SCML2: variants seen among roughly 807,000 people sequenced by gnomAD.
SCML2 encodes Scm polycomb group protein like 2, also known as sex comb on midleg-like protein 2.
A neutral mutation model predicts 48.4 loss-of-function variants in SCML2; 6 were observed. The ratio of observed to expected loss-of-function variants is 0.12; its 90% CI spans 0.07 to 0.24. SCML2 has a LOEUF of 0.24. SCML2 is among the 10% of genes least tolerant of loss of function. The pLI, the probability that SCML2 is intolerant of heterozygous loss-of-function variation, is 1.00. For synonymous variants in SCML2, 181 were observed against 189.5 expected, an observed-to-expected ratio of 0.95 and a Z score of 0.37; for missense variants, 377 against 528.2, an observed-to-expected ratio of 0.71 and a Z score of 2.81.
chrX:18,279,268 T>A (rs1362145636), intron 7 of SCML2, among the ~76,000 whole-genome samples: 2 of 112,615 alleles, frequency 1.8e-5, no homozygotes, highest in African/African-American at 6.5e-5. Context: ...AACGAAAAAT[T>A]ATTGGGCTAA....
At chrX:18,332,832 A>AG (rs1257593678) in intron 2 of SCML2, among the ~76,000 whole-genome samples, 1 of 109,947 alleles carries the variant, frequency 9.1e-6, no homozygotes, top group Non-Finnish European at 1.9e-5. Context: ...TTAAAAAATT[A>AG]GCCAGGTGTG....
chrX:18,335,854 T>C (rs1353456225), intron 1 of SCML2, among the ~76,000 whole-genome samples: 2 of 112,287 alleles, frequency 1.8e-5, no homozygotes, highest in South Asian at 3.7e-4. Context: ...AAAATCCTCA[T>C]AGGGTCTTCA....
intron 1 of SCML2, among the ~76,000 whole-genome samples, chrX:18,342,861 C>T (rs961326132): frequency 8.9e-6 from 1 of 111,911 alleles, no homozygotes; most frequent in African/African-American, 3.2e-5. Flanking sequence ...AAAAGATCAA[C>T]AAATGCTTTG....
intron 7 of SCML2, among the ~76,000 whole-genome samples, chrX:18,276,202 G>A (rs184968657): frequency 9.1e-6 from 1 of 109,791 alleles, no homozygotes; most frequent in East Asian, 2.9e-4. Context: ...CATGAGGCAC[G>A]ACAATTGGTT....
intron 6 of SCML2, among the ~76,000 whole-genome samples, chrX:18,318,412 C>G (rs914164405): frequency 1.8e-5 from 2 of 112,971 alleles, no homozygotes; most frequent in Admixed American, 1.9e-4. Context: ...GATTGAAAAA[C>G]AATCAGGAGA....
intron 6 of SCML2, among the ~76,000 whole-genome samples, chrX:18,305,897 T>C (rs138584479): frequency 0.018 from 2,004 of 111,109 alleles, 51 homozygotes; most frequent in African/African-American, 0.063. Context: ...TTAAAGCACG[T>C]AAATGTTAAC....
intron 7 of SCML2, among the ~76,000 whole-genome samples, chrX:18,283,723 T>C (rs1045146150): frequency 3.6e-5 from 4 of 111,616 alleles, no homozygotes; most frequent in Non-Finnish European, 5.6e-5. Flanking sequence ...TAGATACAGG[T>C]AACCAAGAAG....
chrX:18,330,189 CA>C (rs949937731), intron 3 of SCML2, among the ~76,000 whole-genome samples: 1 of 111,579 alleles, frequency 9.0e-6, no homozygotes, highest in African/African-American at 3.3e-5. Flanking sequence ...GGACTCACCA[CA>C]ATGCCTATAA....
intron 7 of SCML2, among the ~76,000 whole-genome samples, chrX:18,297,882 G>A (rs188221544): frequency 1.8e-5 from 2 of 111,028 alleles, no homozygotes; most frequent in East Asian, 5.7e-4. Context: ...GGTGACACAT[G>A]CCTGTAGTCC....
intron 7 of SCML2, among the ~76,000 whole-genome samples, chrX:18,268,771 A>T (rs1407607756): frequency 4.9e-5 from 5 of 102,834 alleles, no homozygotes; most frequent in African/African-American, 1.4e-4. Context: ...GTATAATAAT[A>T]AAAAAAAAAA....
chrX:18,292,129 AT>A (rs1928251911), intron 7 of SCML2, among the ~76,000 whole-genome samples: 1 of 112,086 alleles, frequency 8.9e-6, no homozygotes, highest in South Asian at 3.7e-4. Flanking sequence ...AAGAAATGAA[AT>A]TTTGGAAAAC....
chrX:18,301,356 C>T (rs1022970908), intron 7 of SCML2, among the ~76,000 whole-genome samples: 1 of 110,569 alleles, frequency 9.0e-6, no homozygotes, highest in East Asian at 2.8e-4. Context: ...CAAGATCACA[C>T]CACTGCTCTC....
chrX:18,241,439 T>G (rs1926261286), intron 14 of SCML2, 60 bp from the exon 15 acceptor site: 1 of 876,088 alleles, frequency 1.1e-6, no homozygotes, highest in East Asian at 3.5e-5. Flanking sequence ...TATTTATACA[T>G]AAGAACATGT....
intron 7 of SCML2, among the ~76,000 whole-genome samples, chrX:18,285,918 A>C (rs1602106229): frequency 8.9e-6 from 1 of 111,856 alleles, no homozygotes; most frequent in East Asian, 2.8e-4. Context: ...ACAGAATAAG[A>C]ATACCTAATT....
intron 7 of SCML2, among the ~76,000 whole-genome samples, chrX:18,289,962 C>T (rs943815160): frequency 1.8e-5 from 2 of 109,614 alleles, no homozygotes; most frequent in African/African-American, 6.6e-5. Flanking sequence ...AGAAGGAAAA[C>T]ATTAGAGTTT....
chrX:18,306,540 TAA>T (rs1181552263), intron 6 of SCML2, among the ~76,000 whole-genome samples: 7 of 112,034 alleles, frequency 6.2e-5, no homozygotes, highest in African/African-American at 1.6e-4. Flanking sequence ...TCTATGAGAC[TAA>T]GAGATTATTA....
Position 18,260,311 on chromosome X carries a change from A to G in SCML2, c.949-20T>C, listed in dbSNP as rs769967992. On this transcript the variant is annotated intron_variant, in intron 8 of 14. Coordinates refer to ENST00000251900, the MANE Select transcript of SCML2 (RefSeq NM_006089.3). Reference sequence around the variant, plus strand: ...TTTTTCCTGTTAAAAACAAAGGGAAAAAAACACAAGTATACAATACTCATT... The same window carrying G: ...TTTTTCCTGTTAAAAACAAAGGGAAGAAAACACAAGTATACAATACTCATT... The G allele has an allele frequency of 8.7e-7, 1 of 1,151,596 alleles. No homozygotes were observed. Among genetic ancestry groups the G allele is most frequent in the Admixed American group, 2.4e-5 (1 of 41,786 alleles). 94.9% of individuals were successfully genotyped at this position (1,151,596 alleles called of 1,213,427 possible). A position where few individuals can be genotyped will look rare whatever the true frequency, so the allele number is the denominator to read the frequency against.
At chrX:18,328,355 T>G (rs1929549621) in intron 3 of SCML2, among the ~76,000 whole-genome samples, 1 of 111,414 alleles carries the variant, frequency 9.0e-6, no homozygotes, top group Non-Finnish European at 1.9e-5. Flanking sequence ...TCTGTTAATT[T>G]CTATCTTGCC....
At chrX:18,322,080 T>C (rs890351088) in intron 5 of SCML2, among the ~76,000 whole-genome samples, 6 of 112,003 alleles carry the variant, frequency 5.4e-5, no homozygotes, top group Non-Finnish European at 7.5e-5. Flanking sequence ...GTTAAAACTT[T>C]ATAAAATCTT....
Sources: gnomAD v4.1 joint callset for allele counts (sites outside exome capture counted in the v4.1 genomes callset) on GRCh38, gnomAD v4.1.1 for gene constraint, MANE v1.5 for transcripts, NCBI Gene and HGNC (gene_info 2026-07-23, HGNC 2026-07-21) for gene names.